The following MKX variants were observed in gnomAD, a reference collection of about 807,000 sequenced individuals.
The protein encoded by MKX is mohawk homeobox.
Under a neutral mutation model 36.0 loss-of-function variants are expected in MKX, and 13 were observed. That is an observed-to-expected ratio of 0.36 (90% CI 0.24 to 0.57). The LOEUF (loss-of-function observed/expected upper bound fraction) is 0.57, where lower values mean the gene tolerates loss of function less well. Ranked by LOEUF, MKX falls within the 20% of genes least tolerant of loss-of-function variation. MKX has a pLI of 0.79. For missense variants in MKX, 458 were observed against 456.4 expected, an observed-to-expected ratio of 1.00 and a Z score of -0.03; for synonymous variants, 176 against 178.3, an observed-to-expected ratio of 0.99 and a Z score of 0.10.
Position 27,741,230 on chromosome 10 carries a change from G to T in MKX, c.348+115C>A. On this transcript the variant is annotated intron_variant, in intron 3 of 6. Transcript: ENST00000419761. The surrounding 1 kb of genome is among the most constrained non-coding windows in gnomAD (Gnocchi z 5.1). Reference sequence around the variant, plus strand: ...GTAATTCAGAAACTCCCACAGCTCGGCTCCATCCCTCTCCAGGTAGAAGCG... The same window carrying T: ...GTAATTCAGAAACTCCCACAGCTCGTCTCCATCCCTCTCCAGGTAGAAGCG... 7.5e-7 allele frequency: 1 copy of T among 1,336,960 alleles called. No homozygotes were observed. 82.8% of individuals were successfully genotyped at this position (1,336,960 alleles called of 1,614,324 possible).
chr10:27,726,854 A>G (rs886937121), intron 5 of MKX, among the ~76,000 whole-genome samples: 2 of 151,958 alleles, frequency 1.3e-5, no homozygotes, highest in African/African-American at 4.8e-5. Flanking sequence ...GTTTTTTATG[A>G]TTTAAGGAGC....
chr10:27,706,137 A>C (rs547903450), intron 5 of MKX, among the ~76,000 whole-genome samples: 18 of 152,090 alleles, frequency 1.2e-4, no homozygotes, highest in Non-Finnish European at 2.5e-4. Flanking sequence ...CATATTTGTC[A>C]TTCTGTGACT....
At position 27,735,655 on chromosome 10, in the gene MKX, A is replaced by G. The variant is rs190348365; in HGVS notation, c.349-281T>C. 1.3e-3 allele frequency among the ~76,000 whole-genome samples: 201 copies of G among 152,338 alleles called. 1 individual carries two copies. Among genetic ancestry groups the G allele is most frequent in the Non-Finnish European group, 2.4e-3 (161 of 68,020 alleles). On this transcript the variant is annotated intron_variant, in intron 3 of 6. Transcript: ENST00000419761. ...AGTCCAGTAAGAGAAGTAGGAGGGTATACAAATAACTAGTATAAGAAAGAA... is the reference window on the plus strand; with the variant it reads ...AGTCCAGTAAGAGAAGTAGGAGGGTGTACAAATAACTAGTATAAGAAAGAA...
At chr10:27,737,676 C>T (rs1297081033) in intron 3 of MKX, among the ~76,000 whole-genome samples, 4 of 152,034 alleles carry the variant, frequency 2.6e-5, no homozygotes, top group Admixed American at 1.3e-4. Context: ...GTGTTTTTGT[C>T]CTTCTTTGCT....
At chr10:27,686,437 GGA>G (rs1263778523) in intron 5 of MKX, among the ~76,000 whole-genome samples, 1,664 of 140,288 alleles carry the variant, frequency 0.012, 28 homozygotes, top group African/African-American at 0.04. Context: ...AAGGAAGGAA[GGA>G]AGGAAGGAAA....
chr10:27,695,568 T>C (rs1016331428), intron 5 of MKX, among the ~76,000 whole-genome samples: 6 of 152,178 alleles, frequency 3.9e-5, no homozygotes, highest in Admixed American at 6.5e-5. Context: ...ACTTAGTATA[T>C]AGACTCTTAT....
rs1834937779 is a variant in MKX, at chr10:27,742,850, G to A, written c.188+378C>T. ...CTGAGCCTGGACTCCCCGACTGCTC[G>A]GCTTCGCCTGTTTCTCTGCACCGAG... On this transcript the variant is annotated intron_variant, in intron 2 of 6. Coordinates refer to ENST00000419761, the MANE Select transcript of MKX (RefSeq NM_173576.3). The surrounding 1 kb of genome is among the most constrained non-coding windows in gnomAD (Gnocchi z 4.2). 1.3e-5 allele frequency among the ~76,000 whole-genome samples: 2 copies of A among 152,138 alleles called. No homozygotes were observed. Among genetic ancestry groups the A allele is most frequent in the Non-Finnish European group, 2.9e-5 (2 of 68,000 alleles).
At chr10:27,693,497 G>A (rs78100939) in intron 5 of MKX, among the ~76,000 whole-genome samples, 5,395 of 152,056 alleles carry the variant, frequency 0.035, 173 homozygotes, top group Middle Eastern at 0.1. Context: ...ATAATTACCA[G>A]GAAAAGGCAA....
At chr10:27,717,247 A>G (rs1836982659) in intron 5 of MKX, among the ~76,000 whole-genome samples, 1 of 152,210 alleles carries the variant, frequency 6.6e-6, no homozygotes, top group Non-Finnish European at 1.5e-5. Flanking sequence ...GAACCTAGCT[A>G]TGCCATGCCA....
Position 27,735,309 on chromosome 10 carries a change from G to C in MKX, c.414C>G (p.Ser138Arg). ...TGTATAACTTTATTCTCAAAGCCCA[G>C]CTTAAATCTGGCTGTCGAACGGTAT... ...LKNTVRQPDL[S>R]WALRIKLYNK... is the part of the protein sequence containing the mutation. Residue 138 changes from serine to arginine, a missense_variant, in exon 4 of 7, where the codon AGC becomes AGG. Around this residue, in one of 3 missense-constraint regions of MKX, gnomAD observed 297 missense variants for 304.4 expected, o/e 0.98. Transcript: ENST00000419761. 1 of 1,613,858 alleles carries C rather than the reference G, an allele frequency of 6.2e-7. No individual in the cohort carries two copies. The highest frequency in any genetic ancestry group is 8.5e-7 in the Non-Finnish European group (1 of 1,179,908).
Position 27,744,181 on chromosome 10 carries a change from C to A in MKX, c.-82-684G>T, listed in dbSNP as rs1429781822. Among the ~76,000 whole-genome samples, 2 of 152,070 alleles carry A rather than the reference C, an allele frequency of 1.3e-5. No individual in the cohort carries two copies. Among genetic ancestry groups the A allele is most frequent in the Non-Finnish European group, 2.9e-5 (2 of 68,022 alleles). On this transcript the variant is annotated intron_variant, in intron 1 of 6. Coordinates refer to ENST00000419761, the MANE Select transcript of MKX (RefSeq NM_173576.3). This position sits in a 1 kb window ranked among gnomAD's most constrained non-coding sequence, Gnocchi z 5.6. ...AGCACCACTTCTCCCCCTTCTCTCC[C>A]AGAATCTTCCTATCATCCCCCAACG...
chr10:27,725,224 G>T (rs1834462936), intron 5 of MKX, among the ~76,000 whole-genome samples: 1 of 152,116 alleles, frequency 6.6e-6, no homozygotes, highest in Admixed American at 6.6e-5. Context: ...TCCTTTAAAA[G>T]CTGATTGCTG....
At chr10:27,714,194 G>A (rs1161913438) in intron 5 of MKX, among the ~76,000 whole-genome samples, 2 of 152,072 alleles carry the variant, frequency 1.3e-5, no homozygotes, top group African/African-American at 4.8e-5. Context: ...TTCTGCTACA[G>A]TTATAATTTG....
intron 3 of MKX, among the ~76,000 whole-genome samples, chr10:27,740,418 T>A (rs1564368363): frequency 1.3e-5 from 2 of 152,228 alleles, no homozygotes; most frequent in African/African-American, 2.4e-5. Context: ...GTATTTATTT[T>A]AAAAAATTGT....
At chr10:27,709,731 AG>A (rs1354663243) in intron 5 of MKX, among the ~76,000 whole-genome samples, 2 of 152,136 alleles carry the variant, frequency 1.3e-5, no homozygotes, top group Admixed American at 6.5e-5. Flanking sequence ...CTTTAATATG[AG>A]TTATAATAAA....
chr10:27,739,049 A>T (rs1242938849), intron 3 of MKX, among the ~76,000 whole-genome samples: 1 of 152,100 alleles, frequency 6.6e-6, no homozygotes, highest in Non-Finnish European at 1.5e-5. Context: ...CAGTTTTAAC[A>T]AATCGTATGT....
chr10:27,690,357 G>A (rs987369570), intron 5 of MKX, among the ~76,000 whole-genome samples: 2 of 135,680 alleles, frequency 1.5e-5, no homozygotes, highest in Non-Finnish European at 3.1e-5. Flanking sequence ...GCGACAGAGT[G>A]AGACTCCATC....
In MKX at chr10:27,742,292, G is replaced by C. The variant is rs972588705; in HGVS notation, c.189-788C>G. Among the ~76,000 whole-genome samples the C allele has an allele frequency of 6.6e-6, 1 of 152,170 alleles. No individual in the cohort carries two copies. Among genetic ancestry groups the C allele is most frequent in the Non-Finnish European group, 1.5e-5 (1 of 68,024 alleles). On this transcript the variant is annotated intron_variant, in intron 2 of 6. Coordinates refer to ENST00000419761, the MANE Select transcript of MKX (RefSeq NM_173576.3). The surrounding 1 kb of genome is among the most constrained non-coding windows in gnomAD (Gnocchi z 4.2). The stretch of plus-strand genomic sequence containing the variant: ...CTGCGCTCCCTCACGGGTCCGGGAG[G>C]TGTCGCGCGCGGCCGCCAGCGAGCC...
At chr10:27,728,657 A>G (rs1315238290) in intron 5 of MKX, among the ~76,000 whole-genome samples, 2 of 152,234 alleles carry the variant, frequency 1.3e-5, no homozygotes, top group Admixed American at 1.3e-4. Flanking sequence ...CTTTCTCCAA[A>G]GAAACTATGT....
Sources: gnomAD v4.1 joint callset for allele counts (sites outside exome capture counted in the v4.1 genomes callset) on GRCh38, gnomAD v4.1.1 for gene constraint, gnomAD v4.1.1 regional missense constraint, Gnocchi (gnomAD v3.1) non-coding constraint, MANE v1.5 for transcripts, NCBI Gene and HGNC (gene_info 2026-07-23, HGNC 2026-07-21) for gene names.